Variants in SEPTIN7 observed in about 807,000 individuals in gnomAD.
SEPTIN7 encodes the protein septin-7.
SEPTIN7 carries 10 observed loss-of-function variants against 63.3 expected under a neutral mutation model. That is an observed-to-expected ratio of 0.16 (90% CI 0.10 to 0.27). SEPTIN7 has a LOEUF of 0.27. Among genes scored for constraint, SEPTIN7 ranks in the 10% least tolerant of loss-of-function variants. The pLI is 1.00. For missense variants in SEPTIN7, 310 were observed against 521.0 expected, an observed-to-expected ratio of 0.59 and a Z score of 3.94; for synonymous variants, 131 against 165.3, an observed-to-expected ratio of 0.79 and a Z score of 1.59.
At chr7:35,839,482 T>C (rs1370884045) in intron 3 of SEPTIN7, among the ~76,000 whole-genome samples, 1 of 152,190 alleles carries the variant, frequency 6.6e-6, no homozygotes, top group Non-Finnish European at 1.5e-5. Flanking sequence ...TGGCTATATG[T>C]GTATTCTAAT....
chr7:35,805,722 A>G (rs1788286950), intron 1 of SEPTIN7, among the ~76,000 whole-genome samples: 1 of 152,238 alleles, frequency 6.6e-6, no homozygotes, highest in Non-Finnish European at 1.5e-5. Context: ...GAAGTTTTCT[A>G]AGTCTTAAGT....
intron 4 of SEPTIN7, among the ~76,000 whole-genome samples, chr7:35,867,230 C>T (rs1226030745): frequency 1.3e-5 from 2 of 152,074 alleles, no homozygotes; most frequent in Non-Finnish European, 2.9e-5. Flanking sequence ...CTTCATGTTT[C>T]AGTATCAAAT....
In SEPTIN7 at chr7:35,905,240, A is replaced by G. The variant is rs1454903306; in HGVS notation, c.*947A>G. ...CCATTCTGCATTTAGCTGTATTCATATATTGCATTTCTGTATTTTTTGTTT... is the reference window on the plus strand; with the variant it reads ...CCATTCTGCATTTAGCTGTATTCATGTATTGCATTTCTGTATTTTTTGTTT... On this transcript the variant is annotated 3_prime_UTR_variant, in exon 14 of 14. Transcript: ENST00000350320. 6.6e-6 allele frequency: 1 copy of G among 152,626 alleles called. No individual in the cohort carries two copies. Among genetic ancestry groups the G allele is most frequent in the Non-Finnish European group, 1.5e-5 (1 of 68,040 alleles). The allele number at this position is 152,626 out of a possible 1,614,324, so 9.5% of individuals were successfully genotyped here. A position where few individuals can be genotyped will look rare whatever the true frequency, so the allele number is the denominator to read the frequency against.
At chr7:35,826,274 T>C (rs191691687) in intron 1 of SEPTIN7, among the ~76,000 whole-genome samples, 1 of 151,856 alleles carries the variant, frequency 6.6e-6, no homozygotes, top group African/African-American at 2.4e-5. Context: ...AGAAGTAAAC[T>C]TCTGCATTAA....
At chr7:35,869,494 G>C (rs558460369) in intron 4 of SEPTIN7, among the ~76,000 whole-genome samples, 1 of 152,290 alleles carries the variant, frequency 6.6e-6, no homozygotes, top group South Asian at 2.1e-4. Context: ...GCTACCTCTT[G>C]AGCAAGTGAA....
downstream of SEPTIN7, among the ~76,000 whole-genome samples, chr7:35,908,627 A>G (rs1788679185): frequency 1.3e-5 from 2 of 152,194 alleles, no homozygotes; most frequent in Admixed American, 1.3e-4. Context: ...GATGTGGCAT[A>G]GATGAGGAGG....
intron 1 of SEPTIN7, among the ~76,000 whole-genome samples, chr7:35,829,837 G>A (rs1406430056): frequency 9.2e-5 from 14 of 152,066 alleles, no homozygotes; most frequent in Admixed American, 7.9e-4. Context: ...GAGTGGGGTC[G>A]TAATTTTAAA....
rs190789427 is a variant in SEPTIN7 at position 35,808,748 on chromosome 7, A to C, written c.61+7478A>C. ...TTAATACCATTACTAGTGATTAAGTATCAACATACAAATTTTGGGAGAACA... is the reference window on the plus strand; with the variant it reads ...TTAATACCATTACTAGTGATTAAGTCTCAACATACAAATTTTGGGAGAACA... On this transcript the variant is annotated intron_variant, in intron 1 of 13. Transcript: ENST00000350320. Among the ~76,000 whole-genome samples the C allele has an allele frequency of 5.4e-4, 83 of 152,366 alleles. No homozygotes were observed. The South Asian group carries it at 6.2e-3, about 11-fold the overall frequency.
At chr7:35,806,986 C>T (rs1221039432) in intron 1 of SEPTIN7, among the ~76,000 whole-genome samples, 3 of 152,142 alleles carry the variant, frequency 2.0e-5, no homozygotes. Flanking sequence ...TATTTTCCAC[C>T]AGTTTTGCTG....
downstream of SEPTIN7, among the ~76,000 whole-genome samples, chr7:35,911,959 CTT>C (rs1338944877): frequency 2.0e-5 from 3 of 152,214 alleles, no homozygotes; most frequent in African/African-American, 7.2e-5. Context: ...GATACAAACA[CTT>C]GGAAGCTCTG....
intron 1 of SEPTIN7, among the ~76,000 whole-genome samples, chr7:35,827,784 C>G (rs1481325502): frequency 2.0e-5 from 3 of 152,174 alleles, no homozygotes; most frequent in African/African-American, 7.2e-5. Flanking sequence ...AGCCATTATG[C>G]CTGGCCAAAT....
rs1435969537 is a variant in SEPTIN7, at chr7:35,906,860, A to G, written c.*2567A>G. 1 of 152,228 alleles carries G rather than the reference A, an allele frequency of 6.6e-6. No homozygotes were observed. Among genetic ancestry groups the G allele is most frequent in the Non-Finnish European group, 1.5e-5 (1 of 68,034 alleles). The allele number at this position is 152,228 out of a possible 1,614,324, so 9.4% of individuals were successfully genotyped here. A position where few individuals can be genotyped will look rare whatever the true frequency, so the allele number is the denominator to read the frequency against. On this transcript the variant is annotated 3_prime_UTR_variant, in exon 14 of 14. Coordinates refer to ENST00000350320, the MANE Select transcript of SEPTIN7 (RefSeq NM_001788.6). ...CTAGGAGTAGAAGTCAGGATATGGT[A>G]GGTAAGGGGGAAAAAGGAAAGACGG...
At chr7:35,881,785 T>G (rs1313912690) in intron 7 of SEPTIN7, among the ~76,000 whole-genome samples, 1 of 151,994 alleles carries the variant, frequency 6.6e-6, no homozygotes, top group African/African-American at 2.4e-5. Context: ...GTATTCTGTT[T>G]AGAATTGGAG....
At chr7:35,805,679 A>T (rs1305221911) in intron 1 of SEPTIN7, among the ~76,000 whole-genome samples, 2 of 152,210 alleles carry the variant, frequency 1.3e-5, no homozygotes, top group Non-Finnish European at 2.9e-5. Context: ...GATTGGGGGG[A>T]TAGCCTGAAG....
intron 1 of SEPTIN7, among the ~76,000 whole-genome samples, chr7:35,803,655 GATT>G (rs1788142062): frequency 6.6e-6 from 1 of 152,170 alleles, no homozygotes; most frequent in South Asian, 2.1e-4. Flanking sequence ...TTCAATTTTT[GATT>G]ATAAGTTGAA....
intron 3 of SEPTIN7, among the ~76,000 whole-genome samples, chr7:35,842,023 G>C (rs902906000): frequency 4.6e-5 from 7 of 152,228 alleles, no homozygotes; most frequent in African/African-American, 1.7e-4. Context: ...CTACAGTCTA[G>C]CACCAAAGGA....
intron 11 of SEPTIN7, among the ~76,000 whole-genome samples, chr7:35,897,163 G>A (rs1010492908): frequency 6.6e-5 from 10 of 152,066 alleles, no homozygotes; most frequent in Non-Finnish European, 1.2e-4. Flanking sequence ...AAAAATTAGC[G>A]TATTACAGTA....
intron 4 of SEPTIN7, among the ~76,000 whole-genome samples, chr7:35,866,843 G>A (rs1305575183): frequency 1.3e-5 from 2 of 152,300 alleles, no homozygotes; most frequent in African/African-American, 4.8e-5. Context: ...TTATACCAGT[G>A]CTTCTCAAAC....
chr7:35,886,475 A>G (rs576981607), intron 10 of SEPTIN7, among the ~76,000 whole-genome samples: 100 of 152,236 alleles, frequency 6.6e-4, no homozygotes, highest in Non-Finnish European at 1.3e-3. Context: ...AAGCAGCAGC[A>G]GAGAGGAAAT....
Sources: allele counts gnomAD v4.1 joint callset (sites outside exome capture counted in the v4.1 genomes callset), GRCh38; gene constraint gnomAD v4.1.1; transcripts MANE v1.5; gene names NCBI Gene and HGNC (gene_info 2026-07-23, HGNC 2026-07-21).